Variants in SNAP91 observed in about 807,000 individuals in gnomAD.
SNAP91 encodes the protein clathrin coat assembly protein AP180.
In SNAP91, 27 loss-of-function variants were observed where a neutral mutation model predicts 100.3. That is an observed-to-expected ratio of 0.27 (90% CI 0.20 to 0.37). SNAP91 has a LOEUF of 0.37. Among genes scored for constraint, SNAP91 ranks in the 10% least tolerant of loss-of-function variants. SNAP91 has a pLI of 1.00. For missense variants in SNAP91, 986 were observed against 1,123.7 expected (o/e 0.88, Z 1.75); for synonymous variants, 404 against 398.6 (o/e 1.01, Z -0.16).
intron 12 of SNAP91, among the ~76,000 whole-genome samples, chr6:83,609,862 T>C (rs1202544158): frequency 1.3e-5 from 2 of 152,222 alleles, no homozygotes; most frequent in Non-Finnish European, 1.5e-5. Flanking sequence ...ATTTAGAATA[T>C]GTAAAAATGT....
At chr6:83,606,805 A>G (rs1388530166) in intron 13 of SNAP91, among the ~76,000 whole-genome samples, 1 of 152,232 alleles carries the variant, frequency 6.6e-6, no homozygotes, top group Admixed American at 6.5e-5. Flanking sequence ...TGTCCATTTC[A>G]TAAATACAAC....
intron 1 of SNAP91, chr6:83,708,376 C>A: frequency 6.2e-6 from 1 of 160,536 alleles, no homozygotes. Context: ...AGCAGACTTT[C>A]CTCCTAGCAG....
chr6:83,555,095 A>G (rs1775874407), intron 29 of SNAP91, among the ~76,000 whole-genome samples: 1 of 152,158 alleles, frequency 6.6e-6, no homozygotes. Flanking sequence ...TGAAACTATT[A>G]AGTGTTCATT....
At chr6:83,581,656 G>A (rs1012944829) in intron 23 of SNAP91, among the ~76,000 whole-genome samples, 10 of 152,330 alleles carry the variant, frequency 6.6e-5, no homozygotes, top group Admixed American at 2.0e-4. Context: ...TATTTAGGGT[G>A]TTTCTGAAAC....
In SNAP91 at chr6:83,593,203, T is replaced by C. The variant is rs746221657; in HGVS notation, c.1753A>G (p.Ser585Gly). The change falls in exon 19 of 30, where the codon AGC becomes GGC. Residue 585 changes from serine to glycine, a missense_variant. Coordinates refer to ENST00000369694, the MANE Select transcript of SNAP91 (RefSeq NM_001242792.2). ...AAAPKPDAAP[S>G]IDLFSTDAFS... Reference sequence around the variant, plus strand: ...TTACCTGTACTAAACAGGTCTATGCTAGGAGCAGCATCTGGCTTAGGCGCT... The same window carrying C: ...TTACCTGTACTAAACAGGTCTATGCCAGGAGCAGCATCTGGCTTAGGCGCT... 1.3e-6 allele frequency: 2 copies of C among 1,594,942 alleles called. No homozygotes were observed. Among genetic ancestry groups the C allele is most frequent in the Non-Finnish European group, 1.7e-6 (2 of 1,170,224 alleles).
chr6:83,642,299 C>A (rs1039344946), intron 7 of SNAP91, among the ~76,000 whole-genome samples: 1 of 152,144 alleles, frequency 6.6e-6, no homozygotes, highest in Non-Finnish European at 1.5e-5. Context: ...ATTAACTCAT[C>A]ATTTACATTA....
intron 22 of SNAP91, among the ~76,000 whole-genome samples, chr6:83,583,992 A>C (rs1174803104): frequency 6.6e-6 from 1 of 152,186 alleles, no homozygotes; most frequent in Admixed American, 6.5e-5. Context: ...TGAATGGCAT[A>C]AGTATCATAT....
chr6:83,569,945 G>A (rs942814766), intron 26 of SNAP91, among the ~76,000 whole-genome samples: 6 of 152,100 alleles, frequency 3.9e-5, no homozygotes, highest in Non-Finnish European at 7.3e-5. Flanking sequence ...TCTCGGGTAT[G>A]TCTTGATCAG....
chr6:83,636,706 C>A (rs1008646771), intron 8 of SNAP91, among the ~76,000 whole-genome samples: 6 of 152,174 alleles, frequency 3.9e-5, no homozygotes, highest in African/African-American at 1.4e-4. Flanking sequence ...GGAGCTAATG[C>A]CATCCTTTAG....
chr6:83,560,130 C>T lies in SNAP91; in HGVS notation c.2605G>A (p.Gly869Arg). The T allele has an allele frequency of 8.7e-6, 14 of 1,613,842 alleles. No individual in the cohort carries two copies. Among genetic ancestry groups the T allele is most frequent in the Non-Finnish European group, 1.2e-5 (14 of 1,179,858 alleles). ...TGCGTGCCAGGTACAGCGGCAGCTC[C>T]AAAGGGGGGCCTCATCATGGGCTGT... ...FAQPMMRPPF[G>R]AAAVPGTQLS... The change falls in exon 28 of 30, where the codon GGA (glycine) becomes AGA (arginine). Residue 869 changes from glycine (G) to arginine (R), a missense_variant. Around this residue, in one of 4 missense-constraint regions of SNAP91, gnomAD observed 71 missense variants for 68.5 expected, o/e 1.04. Transcript: ENST00000369694.
At chr6:83,704,407 G>A (rs1251201196) in intron 2 of SNAP91, among the ~76,000 whole-genome samples, 2 of 151,968 alleles carry the variant, frequency 1.3e-5, no homozygotes, top group Non-Finnish European at 2.9e-5. Flanking sequence ...TAGATTATTA[G>A]GTGCTGTCAC....
rs559919040 is a variant in SNAP91, at chr6:83,656,962, C to T, written c.547-97G>A. 6.7e-6 allele frequency: 4 copies of T among 592,760 alleles called. 1 individual carries two copies. In the South Asian group the frequency reaches 8.8e-5, roughly 13 times the overall value. The allele number at this position is 592,760 out of a possible 1,614,324, so 36.7% of individuals were successfully genotyped here. A position where few individuals can be genotyped will look rare whatever the true frequency, so the allele number is the denominator to read the frequency against. On this transcript the variant is annotated intron_variant, in intron 6 of 29. Transcript: ENST00000369694. ...TGTCTCAAATGACTACTAAGAAATT[C>T]ATGAATATTCTACAAACATTGGTAA...
chr6:83,593,630 G>C lies in SNAP91; in HGVS notation c.1544C>G (p.Ala515Gly). Residue 515 changes from alanine (A) to glycine (G), a missense_variant, in exon 18 of 30, where the codon GCC becomes GGC. This residue lies in a region of SNAP91 where 575 missense variants were observed against 579.9 expected (regional missense o/e 0.99). Coordinates refer to ENST00000369694, the MANE Select transcript of SNAP91 (RefSeq NM_001242792.2). ...AGGAGCAGTTGCGGGAACTGGAGGG[G>C]CTGTGCTAGCTGTAGGGGTAACTAC... Reference protein sequence around the residue: ...VPVVTPTASTAPPVPATAPSP... With the variant: ...VPVVTPTASTGPPVPATAPSP... 1 of 1,611,820 alleles carries C rather than the reference G, an allele frequency of 6.2e-7. No individual in the cohort carries two copies. The highest frequency in any genetic ancestry group is 8.5e-7 in the Non-Finnish European group (1 of 1,178,846).
rs2096746406 is a variant in SNAP91 at position 83,621,954 on chromosome 6, TAA to T, written c.807+1345_807+1346del. 7.2e-5 allele frequency among the ~76,000 whole-genome samples: 11 copies of T among 152,244 alleles called. No individual in the cohort carries two copies. In the South Asian group the frequency reaches 2.3e-3, roughly 32 times the overall value. On this transcript the variant is annotated intron_variant, in intron 9 of 29. Transcript: ENST00000369694. ...TTTTAAAATGTACTATAAATTTTACTAAAAATGATTAGTTTAAATGAAAACAC... is the reference window on the plus strand; with the variant it reads ...TTTTAAAATGTACTATAAATTTTACTAAATGATTAGTTTAAATGAAAACAC...
intron 7 of SNAP91, among the ~76,000 whole-genome samples, chr6:83,641,887 A>G (rs1349709850): frequency 6.6e-6 from 1 of 152,186 alleles, no homozygotes; most frequent in East Asian, 1.9e-4. Context: ...CACTCTCAAG[A>G]CTAGAATGCT....
chr6:83,663,814 G>T (rs770622706), intron 3 of SNAP91, among the ~76,000 whole-genome samples: 1 of 152,156 alleles, frequency 6.6e-6, no homozygotes, highest in Non-Finnish European at 1.5e-5. Context: ...TCAATTGGAA[G>T]AAGATGCCAT....
chr6:83,664,275 G>T (rs2098631521), intron 3 of SNAP91, among the ~76,000 whole-genome samples: 1 of 152,100 alleles, frequency 6.6e-6, no homozygotes, highest in African/African-American at 2.4e-5. Context: ...TGTTATTTAA[G>T]AAATACATTT....
Position 83,707,820 on chromosome 6 carries a change from G to T in SNAP91, c.108C>A (p.Gly36=). The change falls in exon 2 of 30, where the codon GGC becomes GGA. Residue 36 remains glycine, a synonymous_variant. Coordinates refer to ENST00000369694, the MANE Select transcript of SNAP91 (RefSeq NM_001242792.2). Reference sequence around the variant, plus strand: ...TACAGTCCAGGTGCTTTTTCTTGGGGCCCATTACTTCATGAGTAGTGGCTT... The same window carrying T: ...TACAGTCCAGGTGCTTTTTCTTGGGTCCCATTACTTCATGAGTAGTGGCTT... ...VCKATTHEVM[G]PKKKHLDYLI... 2 of 1,613,094 alleles carry T rather than the reference G, an allele frequency of 1.2e-6. No homozygotes were observed. Among genetic ancestry groups the T allele is most frequent in the Admixed American group, 1.7e-5 (1 of 59,872 alleles).
chr6:83,601,218 C>T, intron 16 of SNAP91, 53 bp downstream of exon 16: 6 of 1,588,238 alleles, frequency 3.8e-6, no homozygotes, highest in South Asian at 1.1e-5. Flanking sequence ...CCTTAACTCC[C>T]AAGTAATTTT....
Sources: allele counts gnomAD v4.1 joint callset (sites outside exome capture counted in the v4.1 genomes callset), GRCh38; gene constraint gnomAD v4.1.1; regional missense constraint gnomAD v4.1.1; transcripts MANE v1.5; gene names NCBI Gene and HGNC (gene_info 2026-07-23, HGNC 2026-07-21).